USP32: variants seen among roughly 807,000 people sequenced by gnomAD.
USP32 encodes ubiquitin carboxyl-terminal hydrolase 32.
A neutral mutation model predicts 204.8 loss-of-function variants in USP32; 59 were observed. The observed-to-expected ratio is 0.29, with a 90% CI of 0.23 to 0.36. USP32 has a LOEUF of 0.36. Among genes scored for constraint, USP32 ranks in the 10% least tolerant of loss-of-function variants. USP32 has a pLI of 1.00. For missense variants in USP32, 1,160 were observed against 1,946.4 expected (o/e 0.60, Z 7.60); for synonymous variants, 517 against 678.4 (o/e 0.76, Z 3.70).
chr17:60,216,658 A>T (rs1482194587), intron 16 of USP32, among the ~76,000 whole-genome samples: 1 of 152,254 alleles, frequency 6.6e-6, no homozygotes, highest in African/African-American at 2.4e-5. Context: ...CCTACATTTA[A>T]GTAATTGTAA....
At chr17:60,232,476 ATTTTTTT>A (rs764051983) in intron 12 of USP32, among the ~76,000 whole-genome samples, 15 of 120,374 alleles carry the variant, frequency 1.2e-4, no homozygotes, top group Admixed American at 8.2e-5. Context: ...CCTGGCCCAA[ATTTTTTT>A]TTTTTTTTTT....
At chr17:60,264,978 C>T (rs755844493) in intron 9 of USP32, among the ~76,000 whole-genome samples, 1 of 152,094 alleles carries the variant, frequency 6.6e-6, no homozygotes, top group Non-Finnish European at 1.5e-5. Flanking sequence ...TCTGCACACC[C>T]CTGAAATCAC....
At chr17:60,379,594 T>C (rs2089611767) in intron 1 of USP32, among the ~76,000 whole-genome samples, 1 of 152,188 alleles carries the variant, frequency 6.6e-6, no homozygotes, top group East Asian at 1.9e-4. Flanking sequence ...AACCTACAAT[T>C]GTCTATCTTC....
Position 60,381,696 on chromosome 17 carries a change from TC to T in USP32, c.58+10185del, listed in dbSNP as rs566577562. Among the ~76,000 whole-genome samples, 7 of 152,316 alleles carry T rather than the reference TC, an allele frequency of 4.6e-5. No individual in the cohort carries two copies. In the South Asian group the frequency reaches 1.4e-3, roughly 32 times the overall value. ...ACCCTTGCAAATGTTGCTTTCTAGA[TC>T]TTGAAATGTTCTGCATTTCCACAGG... On this transcript the variant is annotated intron_variant, in intron 1 of 33. Transcript: ENST00000300896.
chr17:60,404,205 TAGAG>T (rs1180302765), intron 1 of USP32, among the ~76,000 whole-genome samples: 1 of 152,070 alleles, frequency 6.6e-6, no homozygotes, highest in Non-Finnish European at 1.5e-5. Flanking sequence ...GGCTAGGTTT[TAGAG>T]AGAGAGGTGG....
intron 2 of USP32, among the ~76,000 whole-genome samples, chr17:60,337,892 A>C (rs2088560936): frequency 6.6e-6 from 1 of 151,926 alleles, no homozygotes; most frequent in Non-Finnish European, 1.5e-5. Flanking sequence ...GATTTACATG[A>C]ATAAGATTAG....
At chr17:60,191,593 T>C (rs1275358168) in intron 28 of USP32, among the ~76,000 whole-genome samples, 1 of 150,054 alleles carries the variant, frequency 6.7e-6, no homozygotes, top group African/African-American at 2.4e-5. Flanking sequence ...CACTGCAAGC[T>C]CCGCCTCCCG....
intron 2 of USP32, among the ~76,000 whole-genome samples, chr17:60,328,799 C>T (rs1360536770): frequency 6.6e-6 from 1 of 152,214 alleles, no homozygotes; most frequent in Non-Finnish European, 1.5e-5. Flanking sequence ...GCTTGAAGTG[C>T]ACCTGGTCCA....
chr17:60,325,341 C>A (rs528265090), intron 2 of USP32, among the ~76,000 whole-genome samples: 1 of 152,108 alleles, frequency 6.6e-6, no homozygotes, highest in East Asian at 1.9e-4. Flanking sequence ...TCTCTTGAAC[C>A]TGGGAGGCAG....
At chr17:60,388,008 A>C (rs2089761142) in intron 1 of USP32, among the ~76,000 whole-genome samples, 1 of 152,058 alleles carries the variant, frequency 6.6e-6, no homozygotes, top group Non-Finnish European at 1.5e-5. Context: ...GAGATCACTG[A>C]CCCAAGCTAT....
At chr17:60,201,660 ATTT>A (rs1278896872) in intron 26 of USP32, among the ~76,000 whole-genome samples, 2 of 137,462 alleles carry the variant, frequency 1.5e-5, no homozygotes, top group African/African-American at 2.6e-5. Context: ...GTCGTTGATC[ATTT>A]TTTTTTTTTT....
intron 1 of USP32, chr17:60,421,887 G>C: frequency 1.0e-6 from 1 of 985,484 alleles, no homozygotes; most frequent in Non-Finnish European, 1.2e-6. Context: ...CCGCGTCTCA[G>C]CGCCTCCTGT....
intron 11 of USP32, 72 bp from the exon 12 acceptor site, chr17:60,236,312 T>C (rs2085724056): frequency 7.6e-7 from 1 of 1,318,362 alleles, no homozygotes; most frequent in African/African-American, 1.5e-5. Flanking sequence ...AAATTATCAT[T>C]AGAAGTTTTA....
intron 5 of USP32, among the ~76,000 whole-genome samples, chr17:60,276,905 T>C (rs912862283): frequency 1.1e-4 from 16 of 149,928 alleles, no homozygotes; most frequent in Non-Finnish European, 1.9e-4. Flanking sequence ...CATTCCTCAA[T>C]CAAACATTTG....
chr17:60,183,842 C>G (rs576128991), intron 30 of USP32, among the ~76,000 whole-genome samples: 1 of 152,358 alleles, frequency 6.6e-6, no homozygotes, highest in South Asian at 2.1e-4. Context: ...TCTCACATCA[C>G]ACTGAATTGC....
chr17:60,335,747 A>T (rs1470439792), intron 2 of USP32, among the ~76,000 whole-genome samples: 1 of 142,954 alleles, frequency 7.0e-6, no homozygotes, highest in Non-Finnish European at 1.5e-5. Context: ...CCTTAGCCTT[A>T]TTCCTTAGCA....
At chr17:60,337,882 G>A (rs899575780) in intron 2 of USP32, among the ~76,000 whole-genome samples, 4 of 151,122 alleles carry the variant, frequency 2.6e-5, no homozygotes, top group Admixed American at 1.3e-4. Flanking sequence ...ACGGTCTCAA[G>A]ATTTACATGA....
At chr17:60,316,014 AT>A (rs2087967976) in intron 2 of USP32, 1 of 171,304 alleles carries the variant, frequency 5.8e-6, no homozygotes, top group Admixed American at 6.4e-5. Context: ...TGAACTTCTG[AT>A]TCACAAACCT....
Position 60,198,340 on chromosome 17 carries a change from T to C in USP32, c.3354A>G (p.Leu1118=), listed in dbSNP as rs1183811863. Residue 1118 remains leucine, a synonymous_variant, in exon 27 of 34, where the codon CTA becomes CTG. Transcript: ENST00000300896. ...ATACTTGAATCCAAACCGCATCATA[T>C]AGGTCTTTCTTCCGGGTATGCACAG... The part of the protein sequence containing the change: ...PCTVHTRKKD[L]YDAVWIQVSR... The C allele has an allele frequency of 1.2e-6, 2 of 1,614,044 alleles. No homozygotes were observed. Among genetic ancestry groups the C allele is most frequent in the Non-Finnish European group, 1.7e-6 (2 of 1,180,022 alleles).
Sources: gnomAD v4.1 joint callset for allele counts (sites outside exome capture counted in the v4.1 genomes callset) on GRCh38, gnomAD v4.1.1 for gene constraint, MANE v1.5 for transcripts, NCBI Gene and HGNC (gene_info 2026-07-23, HGNC 2026-07-21) for gene names.